The following AGAP1 variants were observed in gnomAD, a reference collection of about 807,000 sequenced individuals.
AGAP1 encodes the protein ArfGAP with GTPase domain, ankyrin repeat and PH domain 1.
A neutral mutation model predicts 105.3 loss-of-function variants in AGAP1; 29 were observed. The ratio of observed to expected loss-of-function variants is 0.28; its 90% CI spans 0.21 to 0.38. The LOEUF (loss-of-function observed/expected upper bound fraction) is 0.38. Among genes scored for constraint, AGAP1 ranks in the 10% least tolerant of loss-of-function variants. AGAP1 has a pLI of 1.00. For synonymous variants in AGAP1, 509 were observed against 485.9 expected (o/e 1.05, Z -0.63); for missense variants, 998 against 1,165.1 (o/e 0.86, Z 2.09).
chr2:235,770,490 C>T (rs914959251), intron 6 of AGAP1, among the ~76,000 whole-genome samples: 1 of 152,056 alleles, frequency 6.6e-6, no homozygotes, highest in African/African-American at 2.4e-5. Context: ...TGCAGTGGTG[C>T]CATCTCGGCT....
chr2:235,997,694 G>A (rs1315442752), intron 13 of AGAP1, among the ~76,000 whole-genome samples: 4 of 152,098 alleles, frequency 2.6e-5, no homozygotes, highest in South Asian at 2.1e-4. Context: ...GCTCCCCAGC[G>A]CAGTCCGTCT....
At chr2:235,817,878 G>A (rs1357777417) in intron 9 of AGAP1, among the ~76,000 whole-genome samples, 1 of 152,166 alleles carries the variant, frequency 6.6e-6, no homozygotes, top group East Asian at 1.9e-4. Context: ...GCAACAGAGT[G>A]AGACTCTGTC....
chr2:235,668,942 G>A (rs1431944511), intron 1 of AGAP1, among the ~76,000 whole-genome samples: 1 of 151,986 alleles, frequency 6.6e-6, no homozygotes, highest in Non-Finnish European at 1.5e-5. Flanking sequence ...GCTCTTAACC[G>A]CAGTATTCTC....
At chr2:235,499,312 C>T (rs1418601938) in intron 1 of AGAP1, among the ~76,000 whole-genome samples, 1 of 152,224 alleles carries the variant, frequency 6.6e-6, no homozygotes, top group Non-Finnish European at 1.5e-5. Context: ...TGTAAAGCAG[C>T]TGACTGTGGC....
At position 235,800,545 on chromosome 2, in the gene AGAP1, C is replaced by T. The variant is rs146566890; in HGVS notation, c.957+1023C>T. Among the ~76,000 whole-genome samples, 5 of 152,322 alleles carry T rather than the reference C, an allele frequency of 3.3e-5. No homozygotes were observed. In the East Asian group the frequency reaches 5.8e-4, roughly 18 times the overall value. On this transcript the variant is annotated intron_variant, in intron 8 of 17. Coordinates refer to ENST00000304032, the MANE Select transcript of AGAP1 (RefSeq NM_001037131.3). ...CAATCTGGATTCTACACAGTTGAGC[C>T]GCAAACTCCAGGCACAGCTGCTGTC...
chr2:236,005,449 G>A lies in AGAP1; in HGVS notation c.1646-31112G>A, dbSNP rs1204048504. On this transcript the variant is annotated intron_variant, in intron 13 of 17. Coordinates refer to ENST00000304032, the MANE Select transcript of AGAP1 (RefSeq NM_001037131.3). The surrounding 1 kb of genome is among the most constrained non-coding windows in gnomAD (Gnocchi z 4.1). ...AGCCACCATGCCCACCCTCTCCCCTGTTAATTTACCTCTTTCATTAGTATG... is the reference window on the plus strand; with the variant it reads ...AGCCACCATGCCCACCCTCTCCCCTATTAATTTACCTCTTTCATTAGTATG... Among the ~76,000 whole-genome samples, 1 of 152,062 alleles carries A rather than the reference G, an allele frequency of 6.6e-6. No homozygotes were observed. The highest frequency in any genetic ancestry group is 1.5e-5 in the Non-Finnish European group (1 of 67,998).
intron 6 of AGAP1, among the ~76,000 whole-genome samples, chr2:235,759,376 A>G (rs55642639): frequency 0.011 from 1,641 of 150,390 alleles, 27 homozygotes; most frequent in Middle Eastern, 0.057. Context: ...TCACCGTGTT[A>G]GCCAGGATGG....
In AGAP1 at chr2:235,734,191, C is replaced by T. The variant is rs765876369; in HGVS notation, c.311-6772C>T. ...ATAATACAGTTTGCAGATTTTCTCC[C>T]GATGTCATCATGGCACTCAGTAACA... On this transcript the variant is annotated intron_variant, in intron 3 of 17. Transcript: ENST00000304032. The surrounding 1 kb of genome is among the most constrained non-coding windows in gnomAD (Gnocchi z 5.3). Among the ~76,000 whole-genome samples, 2 of 152,144 alleles carry T rather than the reference C, an allele frequency of 1.3e-5. No homozygotes were observed. The highest frequency in any genetic ancestry group is 2.4e-5 in the African/African-American group (1 of 41,428).
At position 236,114,697 on chromosome 2, in the gene AGAP1, A is replaced by C. The variant is rs2059727269; in HGVS notation, c.2115-5495A>C. Among the ~76,000 whole-genome samples the C allele has an allele frequency of 6.6e-6, 1 of 152,162 alleles. No individual in the cohort carries two copies. Among genetic ancestry groups the C allele is most frequent in the Admixed American group, 6.5e-5 (1 of 15,268 alleles). The stretch of plus-strand genomic sequence containing the variant: ...GTCCTCTTATACGGGCACCTGGCTT[A>C]TTGAATTAGGGCTCTATCTTTATAG... On this transcript the variant is annotated intron_variant, in intron 16 of 17. Coordinates refer to ENST00000304032, the MANE Select transcript of AGAP1 (RefSeq NM_001037131.3). This position sits in a 1 kb window ranked among gnomAD's most constrained non-coding sequence, Gnocchi z 5.0.
intron 1 of AGAP1, among the ~76,000 whole-genome samples, chr2:235,571,716 C>T (rs562243087): frequency 4.6e-5 from 7 of 152,110 alleles, no homozygotes; most frequent in Admixed American, 2.6e-4. Context: ...AAGAGGCAGA[C>T]GCTGTAGTAT....
chr2:236,040,902 C>G lies in AGAP1; in HGVS notation c.1891+61C>G. 1.3e-6 allele frequency: 2 copies of G among 1,568,018 alleles called. No individual in the cohort carries two copies. The highest frequency in any genetic ancestry group is 2.2e-5 in the South Asian group (2 of 89,660). On this transcript the variant is annotated intron_variant, in intron 15 of 17. Transcript: ENST00000304032. The surrounding 1 kb of genome is among the most constrained non-coding windows in gnomAD (Gnocchi z 5.6). ...TGTAGCTGGAGACCACATGGTCCCA[C>G]TAGGCCCGGGTTGCAGGGGACTCAC... is the stretch of plus-strand genomic sequence containing the variant.
rs57008190 is a variant in AGAP1 at position 235,770,133 on chromosome 2, C to CTTTTT, written c.673+19653_673+19657dup. The stretch of plus-strand genomic sequence containing the variant: ...CACACATTTTTTTCTTTCTTTGTTT[C>CTTTTT]TTTTTTTTTTTTGAGACGGAGTCTC... On this transcript the variant is annotated intron_variant, in intron 6 of 17. Coordinates refer to ENST00000304032, the MANE Select transcript of AGAP1 (RefSeq NM_001037131.3). Among the ~76,000 whole-genome samples, 91 of 136,678 alleles carry CTTTTT rather than the reference C, an allele frequency of 6.7e-4. 1 individual carries two copies. The highest frequency in any genetic ancestry group is 2.3e-3 in the African/African-American group (90 of 38,314). The allele number at this position is 136,678 out of a possible 152,430, so 89.7% of individuals were successfully genotyped here.
At chr2:236,019,588 T>G (rs2125594092) in intron 13 of AGAP1, among the ~76,000 whole-genome samples, 1 of 152,296 alleles carries the variant, frequency 6.6e-6, no homozygotes, top group East Asian at 1.9e-4. Flanking sequence ...CCCCAGGAGC[T>G]CTCAGGAAGA....
chr2:235,817,525 C>G (rs974101942), intron 9 of AGAP1, among the ~76,000 whole-genome samples: 13 of 152,088 alleles, frequency 8.5e-5, no homozygotes, highest in Non-Finnish European at 1.5e-4. Flanking sequence ...ACACTCTTTC[C>G]TTGGTACCAA....
At chr2:235,505,454 T>C (rs1160992122) in intron 1 of AGAP1, among the ~76,000 whole-genome samples, 1 of 152,186 alleles carries the variant, frequency 6.6e-6, no homozygotes, top group Non-Finnish European at 1.5e-5. Context: ...GGGATGGTGG[T>C]GGGAGGACCA....
chr2:235,593,609 G>C (rs1209416420), intron 1 of AGAP1, among the ~76,000 whole-genome samples: 1 of 152,088 alleles, frequency 6.6e-6, no homozygotes, highest in Non-Finnish European at 1.5e-5. Flanking sequence ...TATATCTACT[G>C]TGTGTTTTGG....
At position 235,552,074 on chromosome 2, in the gene AGAP1, T is replaced by G. The variant is rs966894837; in HGVS notation, c.163+57225T>G. On this transcript the variant is annotated intron_variant, in intron 1 of 17. Transcript: ENST00000304032. The surrounding 1 kb of genome is among the most constrained non-coding windows in gnomAD (Gnocchi z 5.9). ...GGAGCCTGCAGGGAACTGTTTGTTG[T>G]GTGCTTGGCTGTTCAGTGCCCCATA... Among the ~76,000 whole-genome samples the G allele has an allele frequency of 6.6e-6, 1 of 152,206 alleles. No individual in the cohort carries two copies. The highest frequency in any genetic ancestry group is 6.5e-5 in the Admixed American group (1 of 15,280).
chr2:235,989,882 A>G lies in AGAP1; in HGVS notation c.1645+21259A>G, dbSNP rs1014556300. Among the ~76,000 whole-genome samples the G allele has an allele frequency of 1.1e-4, 16 of 152,206 alleles. No homozygotes were observed. The highest frequency in any genetic ancestry group is 2.1e-4 in the South Asian group (1 of 4,826). Reference sequence around the variant, plus strand: ...CTTCCTTTTGCCCACAGGAGAAGAGATGAAAGAGAGGGGAGGGGCTGGCCA... The same window carrying G: ...CTTCCTTTTGCCCACAGGAGAAGAGGTGAAAGAGAGGGGAGGGGCTGGCCA... On this transcript the variant is annotated intron_variant, in intron 13 of 17. Transcript: ENST00000304032. The surrounding 1 kb of genome is among the most constrained non-coding windows in gnomAD (Gnocchi z 4.4).
chr2:235,679,904 C>T (rs1163467351), intron 1 of AGAP1, among the ~76,000 whole-genome samples: 4 of 152,164 alleles, frequency 2.6e-5, no homozygotes, highest in Non-Finnish European at 2.9e-5. Flanking sequence ...TGGTGAATTC[C>T]GTATTTTCAA....
Sources: allele counts gnomAD v4.1 joint callset (sites outside exome capture counted in the v4.1 genomes callset), GRCh38; gene constraint gnomAD v4.1.1; non-coding constraint Gnocchi (gnomAD v3.1); transcripts MANE v1.5; gene names NCBI Gene and HGNC (gene_info 2026-07-23, HGNC 2026-07-21).